Variants in ST7 observed in about 807,000 individuals in gnomAD.
The protein encoded by ST7 is suppressor of tumorigenicity 7 protein.
A neutral mutation model predicts 78.7 loss-of-function variants in ST7; 28 were observed. The ratio of observed to expected loss-of-function variants is 0.36; its 90% CI spans 0.26 to 0.49. ST7 has a LOEUF of 0.49. ST7 is among the 20% of genes least tolerant of loss of function. The pLI is 0.99. For synonymous variants in ST7, 247 were observed against 249.6 expected, an observed-to-expected ratio of 0.99 and a Z score of 0.10; for missense variants, 418 against 696.0, an observed-to-expected ratio of 0.60 and a Z score of 4.49.
rs571375834 is a variant in ST7 at position 117,170,931 on chromosome 7, C to T, written c.1033C>T (p.Leu345=). 6.2e-6 allele frequency: 10 copies of T among 1,612,396 alleles called. No homozygotes were observed. In the African/African-American group the frequency reaches 1.2e-4, roughly 19 times the overall value. ...HENLLEALLE[L]QAYADVQAVL... is the part of the protein sequence containing the mutation. ...AAACCTTTTAGAAGCCCTTCTGGAA[C>T]TACAAGCATATGCTGATGTTCAGGC... The change falls in exon 10 of 16, where the codon CTA becomes TTA. Residue 345 remains leucine, a synonymous_variant. Coordinates refer to ENST00000323984, the MANE Select transcript of ST7 (RefSeq NM_001369598.1).
chr7:117,109,024 A>G (rs911870938), intron 2 of ST7, among the ~76,000 whole-genome samples: 1 of 152,180 alleles, frequency 6.6e-6, no homozygotes, highest in African/African-American at 2.4e-5. Context: ...TTTTCTAGGT[A>G]TATGATCATG....
intron 12 of ST7, among the ~76,000 whole-genome samples, chr7:117,196,699 T>A (rs945694284): frequency 1.2e-4 from 13 of 112,692 alleles, no homozygotes; most frequent in African/African-American, 3.8e-4. Context: ...ATTAACCCCT[T>A]ATTAGATATA....
At position 117,120,981 on chromosome 7, in the gene ST7, G is replaced by A. The variant is rs546274153; in HGVS notation, c.394+1261G>A. Among the ~76,000 whole-genome samples, 396 of 152,314 alleles carry A rather than the reference G, an allele frequency of 2.6e-3. 3 individuals are homozygous for A. The highest frequency in any genetic ancestry group is 9.2e-3 in the African/African-American group (381 of 41,586). ...TATCAAGAGATTTAGATCAAGTAGAGAGAGAAGGGAAACTTCAATGAAAAT... is the reference window on the plus strand; with the variant it reads ...TATCAAGAGATTTAGATCAAGTAGAAAGAGAAGGGAAACTTCAATGAAAAT... On this transcript the variant is annotated intron_variant, in intron 3 of 15. Transcript: ENST00000323984.
intron 1 of ST7, among the ~76,000 whole-genome samples, chr7:117,067,172 T>C (rs1429773887): frequency 6.6e-6 from 1 of 152,126 alleles, no homozygotes; most frequent in Non-Finnish European, 1.5e-5. Flanking sequence ...TTTCTACTTT[T>C]TGGGCTTATG....
chr7:117,189,778 G>T lies in ST7; in HGVS notation c.1151+385G>T, dbSNP rs950213488. 1.2e-4 allele frequency among the ~76,000 whole-genome samples: 18 copies of T among 152,246 alleles called. 1 individual carries two copies. The highest frequency in any genetic ancestry group is 4.3e-4 in the African/African-American group (18 of 41,524). On this transcript the variant is annotated intron_variant, in intron 11 of 15. Coordinates refer to ENST00000323984, the MANE Select transcript of ST7 (RefSeq NM_001369598.1). ...TAGTGTCATACACACGTGGAATGTG[G>T]CAGACAGGATGGTCATCTCTCATTC... is the stretch of plus-strand genomic sequence containing the variant.
chr7:117,093,637 G>T (rs1800798853), intron 1 of ST7, among the ~76,000 whole-genome samples: 1 of 152,116 alleles, frequency 6.6e-6, no homozygotes, highest in South Asian at 2.1e-4. Flanking sequence ...GGAGGCGGAG[G>T]TTGCAGTCAG....
At chr7:116,989,815 G>A (rs1794347268) in intron 1 of ST7, among the ~76,000 whole-genome samples, 1 of 152,104 alleles carries the variant, frequency 6.6e-6, no homozygotes, top group Non-Finnish European at 1.5e-5. Flanking sequence ...CTCTAGCCTA[G>A]GTGACAGAGT....
intron 15 of ST7, among the ~76,000 whole-genome samples, chr7:117,226,087 T>A (rs776784570): frequency 2.0e-5 from 3 of 152,212 alleles, no homozygotes; most frequent in Non-Finnish European, 2.9e-5. Flanking sequence ...GACTCTCATG[T>A]TCACTTATAG....
intron 9 of ST7, among the ~76,000 whole-genome samples, chr7:117,157,669 G>T (rs981555991): frequency 2.0e-5 from 3 of 152,178 alleles, no homozygotes; most frequent in African/African-American, 4.8e-5. Flanking sequence ...CAAACACAAT[G>T]ATAGTGGTTT....
intron 1 of ST7, among the ~76,000 whole-genome samples, chr7:117,056,942 G>C (rs2116411836): frequency 6.6e-6 from 1 of 152,178 alleles, no homozygotes; most frequent in East Asian, 1.9e-4. Flanking sequence ...TTACATCAAG[G>C]TCACCCTGAG....
At chr7:117,057,313 T>C (rs969124519) in intron 1 of ST7, among the ~76,000 whole-genome samples, 2 of 152,186 alleles carry the variant, frequency 1.3e-5, no homozygotes, top group African/African-American at 4.8e-5. Context: ...GCTAACCCAG[T>C]ATAAAACTAA....
intron 3 of ST7, among the ~76,000 whole-genome samples, chr7:117,126,412 A>G (rs1348620237): frequency 1.3e-5 from 2 of 151,886 alleles, no homozygotes; most frequent in Non-Finnish European, 1.5e-5. Flanking sequence ...ATTGTGACAA[A>G]GGGAAAAGTC....
At chr7:117,223,150 C>T (rs1793220814) in intron 15 of ST7, 3 of 606,642 alleles carry the variant, frequency 4.9e-6, no homozygotes, top group Middle Eastern at 4.2e-4. Context: ...CAGTTCTAAC[C>T]TCCTAAGCAA....
chr7:116,958,442 A>T (rs1431535152), intron 1 of ST7: 2 of 323,584 alleles, frequency 6.2e-6, no homozygotes, highest in Non-Finnish European at 6.2e-6. Context: ...TTTACTTAAC[A>T]TTTAGATTTT....
intron 1 of ST7, among the ~76,000 whole-genome samples, chr7:117,041,039 T>C (rs1187090419): frequency 6.6e-6 from 1 of 152,162 alleles, no homozygotes; most frequent in Non-Finnish European, 1.5e-5. Context: ...GATGGTGCTT[T>C]GTAGAATGTT....
At chr7:116,980,027 C>T (rs1400192797) in intron 1 of ST7, among the ~76,000 whole-genome samples, 47 of 117,814 alleles carry the variant, frequency 4.0e-4, no homozygotes, top group Middle Eastern at 8.9e-3. Flanking sequence ...GCTGCGATCT[C>T]GGCTCACTGC....
chr7:116,969,989 C>T (rs942360536), intron 1 of ST7, among the ~76,000 whole-genome samples: 4 of 152,028 alleles, frequency 2.6e-5, no homozygotes, highest in African/African-American at 7.2e-5. Context: ...GCAGGAGAAT[C>T]GTTTGAACCC....
chr7:117,012,673 G>A (rs886245785), intron 1 of ST7, among the ~76,000 whole-genome samples: 1 of 152,052 alleles, frequency 6.6e-6, no homozygotes, highest in Non-Finnish European at 1.5e-5. Flanking sequence ...CCAAGGCTCA[G>A]AGAGGTTTAA....
chr7:117,073,479 C>T (rs1799122718), intron 1 of ST7, among the ~76,000 whole-genome samples: 1 of 152,176 alleles, frequency 6.6e-6, no homozygotes. Flanking sequence ...GGAAGGTCCA[C>T]AATTATTGAA....
Sources: allele counts gnomAD v4.1 joint callset (sites outside exome capture counted in the v4.1 genomes callset), GRCh38; gene constraint gnomAD v4.1.1; transcripts MANE v1.5; gene names NCBI Gene and HGNC (gene_info 2026-07-23, HGNC 2026-07-21).